RGS9: variants seen among roughly 807,000 people sequenced by gnomAD.
RGS9 encodes the protein regulator of G protein signaling 9, also known as regulator of G-protein signalling 9.
In RGS9, 78 loss-of-function variants were observed where a neutral mutation model predicts 102.0. The ratio of observed to expected loss-of-function variants is 0.76; its 90% confidence interval spans 0.64 to 0.92. RGS9 has a LOEUF of 0.92. Ranked by LOEUF, RGS9 falls within the 40% of genes least tolerant of loss-of-function variation. The pLI, the probability that RGS9 is intolerant of heterozygous loss-of-function variation, is 0.00. For synonymous variants in RGS9, 353 were observed against 318.6 expected, an observed-to-expected ratio of 1.11 and a Z score of -1.15; for missense variants, 833 against 866.1, an observed-to-expected ratio of 0.96 and a Z score of 0.48.
Position 65,168,201 on chromosome 17 carries a change from G to T in RGS9, c.502G>T (p.Ala168Ser), listed in dbSNP as rs188902140. 2.9e-4 allele frequency: 474 copies of T among 1,607,542 alleles called. 1 individual carries two copies. The highest frequency in any genetic ancestry group is 3.5e-4 in the Non-Finnish European group (416 of 1,176,590). ...TACACGTGGCTTTTGGCTTTCCAGG[G>T]CTGGAAAGGAGAGGAACAAAGCAGA... ...VIMQAKEQYR[A>S]GKERNKADRY... Residue 168 changes from alanine (A) to serine (S), a missense_variant and splice_region_variant, in exon 8 of 19, where the codon GCT becomes TCT. Physicochemically the swap from Ala to Ser is moderately conservative, Grantham distance 99 (BLOSUM62 1). Transcript: ENST00000262406.
In RGS9 at chr17:65,138,988, C is replaced by T. The variant is rs1012732577; in HGVS notation, c.57+1391C>T. Among the ~76,000 whole-genome samples, 9 of 147,010 alleles carry T rather than the reference C, an allele frequency of 6.1e-5. 1 individual carries two copies. Among genetic ancestry groups the T allele is most frequent in the Non-Finnish European group, 1.2e-4 (8 of 66,814 alleles). ...CCCTCCTCCACCCCAGCATCCCCTC[C>T]TCCACCCCAGCATCCCCTCCTCCAC... On this transcript the variant is annotated intron_variant, in intron 1 of 18. Transcript: ENST00000262406.
chr17:65,155,062 G>C (rs543014804), intron 2 of RGS9, among the ~76,000 whole-genome samples: 1 of 152,326 alleles, frequency 6.6e-6, no homozygotes, highest in South Asian at 2.1e-4. Flanking sequence ...GGAGCAAAAG[G>C]GGAAGTAATT....
At position 65,189,290 on chromosome 17, in the gene RGS9, A is replaced by G. The variant is rs762618673; in HGVS notation, c.659A>G (p.Gln220Arg). The G allele has an allele frequency of 5.0e-6, 8 of 1,612,554 alleles. 1 individual carries two copies. Among genetic ancestry groups the G allele is most frequent in the Non-Finnish European group, 5.1e-6 (6 of 1,178,668 alleles). Residue 220 changes from glutamine (Q) to arginine (R), a missense_variant, in exon 10 of 19, where the codon CAA (glutamine) becomes CGA (arginine). Gln to Arg is a conservative substitution (Grantham distance 43, BLOSUM62 1). Around this residue, in one of 3 missense-constraint regions of RGS9, gnomAD observed 328 missense variants for 340.6 expected, o/e 0.96. Coordinates refer to ENST00000262406, the MANE Select transcript of RGS9 (RefSeq NM_003835.4). ...NPNEVKVNQK[Q>R]TVVAVKKEIM... ...TTTTGTTTCTTTGTCTTACAGAAACAAACAGTCGTTGCTGTCAAAAAAGAG... is the reference window on the plus strand; with the variant it reads ...TTTTGTTTCTTTGTCTTACAGAAACGAACAGTCGTTGCTGTCAAAAAAGAG...
chr17:65,155,804 G>T (rs1022552471), intron 2 of RGS9, among the ~76,000 whole-genome samples: 6 of 152,170 alleles, frequency 3.9e-5, no homozygotes, highest in African/African-American at 7.2e-5. Flanking sequence ...AGTATGCAGT[G>T]GGTGCTGGAT....
At chr17:65,202,444 T>TGTGTGTGTGTGAGAGAGA (rs3838367) in intron 14 of RGS9, among the ~76,000 whole-genome samples, 4 of 131,786 alleles carry the variant, frequency 3.0e-5, no homozygotes, top group African/African-American at 1.2e-4. Context: ...TGTGTGTGTG[T>TGTGTGTGTGTGAGAGAGA]GAGAGAGAGA....
At chr17:65,183,702 G>A (rs1004637669) in intron 9 of RGS9, among the ~76,000 whole-genome samples, 2 of 152,090 alleles carry the variant, frequency 1.3e-5, no homozygotes, top group African/African-American at 4.8e-5. Context: ...GATTCCTCAC[G>A]GTTCTCCCCA....
At chr17:65,218,850 A>G (rs370085190) in intron 17 of RGS9, among the ~76,000 whole-genome samples, 27 of 152,264 alleles carry the variant, frequency 1.8e-4, no homozygotes, top group African/African-American at 5.8e-4. Flanking sequence ...TTACATGCCC[A>G]GCATCCTGCT....
rs1171894432 is a variant in RGS9 at position 65,137,419 on chromosome 17, C to T, written c.-122C>T. On this transcript the variant is annotated 5_prime_UTR_variant, in exon 1 of 19. Transcript: ENST00000262406. ...AGGGGGGCCCGGCCCGCGCCCTCCCCGCCCAGCCGCCTCCCCGTCGACGCC... is the reference window on the plus strand; with the variant it reads ...AGGGGGGCCCGGCCCGCGCCCTCCCTGCCCAGCCGCCTCCCCGTCGACGCC... The T allele has an allele frequency of 3.0e-6, 3 of 992,566 alleles. No homozygotes were observed. Among genetic ancestry groups the T allele is most frequent in the Admixed American group, 3.5e-5 (2 of 56,666 alleles). 61.5% of individuals were successfully genotyped at this position (992,566 alleles called of 1,614,324 possible).
intron 8 of RGS9, among the ~76,000 whole-genome samples, chr17:65,169,058 G>A (rs1305079724): frequency 1.3e-5 from 2 of 152,172 alleles, no homozygotes; most frequent in African/African-American, 4.8e-5. Context: ...AGAAAGAAAT[G>A]TTCTTCCTCC....
At chr17:65,209,967 A>T (rs967853030) in intron 16 of RGS9, among the ~76,000 whole-genome samples, 1 of 152,144 alleles carries the variant, frequency 6.6e-6, no homozygotes, top group Non-Finnish European at 1.5e-5. Context: ...AGTCCCAGCT[A>T]CTTGGGAGTC....
chr17:65,148,321 GA>G (rs1910448842), intron 1 of RGS9, among the ~76,000 whole-genome samples: 1 of 152,190 alleles, frequency 6.6e-6, no homozygotes, highest in African/African-American at 2.4e-5. Flanking sequence ...TCTGACAGTG[GA>G]CACTTAGGTT....
At chr17:65,156,096 T>C (rs1055106976) in intron 2 of RGS9, among the ~76,000 whole-genome samples, 1 of 152,222 alleles carries the variant, frequency 6.6e-6, no homozygotes, top group Non-Finnish European at 1.5e-5. Flanking sequence ...CTATCTTGGC[T>C]CATTGCAGCT....
chr17:65,160,146 C>A, intron 3 of RGS9, 87 bp from the exon 4 acceptor site: 3 of 991,458 alleles, frequency 3.0e-6, no homozygotes, highest in Non-Finnish European at 4.9e-6. Flanking sequence ...GGGCACCTGT[C>A]CTGGAGTTTG....
chr17:65,206,500 A>T (rs1913068651), intron 15 of RGS9, among the ~76,000 whole-genome samples: 2 of 152,174 alleles, frequency 1.3e-5, no homozygotes, highest in Admixed American at 1.3e-4. Flanking sequence ...CAACATGGTG[A>T]AACCCCGTCT....
At chr17:65,175,444 A>G (rs545796536) in intron 8 of RGS9, among the ~76,000 whole-genome samples, 1 of 152,252 alleles carries the variant, frequency 6.6e-6, no homozygotes, top group African/African-American at 2.4e-5. Flanking sequence ...GTTAGATCCC[A>G]TGGTGTTATC....
chr17:65,165,758 A>G (rs1358194724), intron 7 of RGS9, among the ~76,000 whole-genome samples: 1 of 152,106 alleles, frequency 6.6e-6, no homozygotes, highest in Admixed American at 6.6e-5. Context: ...CACAGATAAG[A>G]TCACCTCAAT....
chr17:65,201,213 C>T (rs919300962), intron 13 of RGS9, among the ~76,000 whole-genome samples: 1 of 152,126 alleles, frequency 6.6e-6, no homozygotes, highest in African/African-American at 2.4e-5. Flanking sequence ...TGCGTGGTAC[C>T]TCTGGACGCT....
intron 13 of RGS9, among the ~76,000 whole-genome samples, chr17:65,200,191 C>G (rs542861892): frequency 6.6e-5 from 10 of 152,202 alleles, no homozygotes; most frequent in African/African-American, 2.2e-4. Flanking sequence ...GCCACCACGG[C>G]CGGCTAATTT....
intron 17 of RGS9, among the ~76,000 whole-genome samples, chr17:65,222,776 C>A (rs1905413915): frequency 6.6e-6 from 1 of 152,170 alleles, no homozygotes; most frequent in Non-Finnish European, 1.5e-5. Flanking sequence ...GCTTACAGGG[C>A]AGAATAATCT....
Sources: gnomAD v4.1 joint callset for allele counts (sites outside exome capture counted in the v4.1 genomes callset) on GRCh38, gnomAD v4.1.1 for gene constraint, gnomAD v4.1.1 regional missense constraint, MANE v1.5 for transcripts, NCBI Gene and HGNC (gene_info 2026-07-23, HGNC 2026-07-21) for gene names.